Variants in MYH7B observed in about 807,000 individuals in gnomAD.
MYH7B encodes the protein myosin-7B.
Under a neutral mutation model 234.5 loss-of-function variants are expected in MYH7B, and 205 were observed. The observed-to-expected ratio is 0.87, with a 90% CI of 0.78 to 0.98. The LOEUF is 0.98. Ranked by LOEUF, MYH7B falls within the 50% of genes least tolerant of loss-of-function variation. MYH7B has a pLI of 0.00. For missense variants in MYH7B, 2,652 were observed against 2,633.4 expected (o/e 1.01, Z -0.15); for synonymous variants, 1,193 against 1,105.0 (o/e 1.08, Z -1.58).
exon 39 of MYH7B, chr20:35,000,359 T>G: frequency 6.3e-7 from 1 of 1,598,634 alleles, no homozygotes; most frequent in Non-Finnish European, 8.5e-7. Flanking sequence ...GGGCCCGCAA[T>G]GAGGCGCTGC....
intron 1 of MYH7B, among the ~76,000 whole-genome samples, chr20:34,957,484 CTTTTTTTTTT>C (rs71196770): frequency 9.6e-6 from 1 of 104,334 alleles, no homozygotes; most frequent in Non-Finnish European, 1.9e-5. Context: ...CCTTTTGACT[CTTTTTTTTTT>C]TTTTTTTTTT....
At chr20:34,994,433 C>A in intron 27 of MYH7B, 32 bp downstream of exon 27, 1 of 1,537,984 alleles carries the variant, frequency 6.5e-7, no homozygotes, top group Non-Finnish European at 8.7e-7. Flanking sequence ...GACCGGGCGT[C>A]CCCAGCCCCG....
chr20:34,962,843 A>G (rs768110712), intron 2 of MYH7B, among the ~76,000 whole-genome samples: 2 of 152,334 alleles, frequency 1.3e-5, no homozygotes, highest in Non-Finnish European at 2.9e-5. Context: ...CACGCCTGTC[A>G]TCCCAGAACC....
chr20:34,998,943 C>T, intron 35 of MYH7B, 28 bp downstream of exon 35: 1 of 1,602,574 alleles, frequency 6.2e-7, no homozygotes, highest in Non-Finnish European at 8.5e-7. Flanking sequence ...CAGGCCACTG[C>T]CATGCAGAGC....
At chr20:34,982,605 C>A in intron 10 of MYH7B, 50 bp downstream of exon 10, 7 of 1,368,252 alleles carry the variant, frequency 5.1e-6, no homozygotes, top group East Asian at 2.4e-5. Flanking sequence ...CGCTGTTTTT[C>A]TTTTCTTTCT....
At chr20:35,002,412 A>AAAAT (rs1254556454) in exon 45 of MYH7B, 6 of 426,286 alleles carry the variant, frequency 1.4e-5, no homozygotes, top group Non-Finnish European at 2.0e-5. Flanking sequence ...AGTCATTTTT[A>AAAAT]AAATAAAGTT....
intron 5 of MYH7B, among the ~76,000 whole-genome samples, chr20:34,979,143 G>A (rs1041854784): frequency 1.3e-5 from 2 of 152,164 alleles, no homozygotes. Context: ...CAAATATGGC[G>A]GAAGCAGGAA....
At chr20:35,001,968 C>T (rs1381904579) in exon 44 of MYH7B, 1 of 1,613,446 alleles carries the variant, frequency 6.2e-7, no homozygotes, top group Non-Finnish European at 8.5e-7. Context: ...CCAACACCAA[C>T]CTGGCCAAGT....
exon 45 of MYH7B, chr20:35,002,301 C>T: frequency 1.6e-6 from 2 of 1,250,762 alleles, no homozygotes; most frequent in Admixed American, 2.5e-5. Context: ...TCAGCCTTCC[C>T]TGGGCCCTGA....
At chr20:34,986,022 C>T (rs1471210421) in intron 13 of MYH7B, 78 bp from the exon 14 acceptor site, 3 of 1,267,864 alleles carry the variant, frequency 2.4e-6, no homozygotes, top group Admixed American at 2.0e-5. Flanking sequence ...GCCCACCTCT[C>T]TCCCTCCGCA....
At chr20:34,961,623 C>T (rs1296699529) in intron 2 of MYH7B, among the ~76,000 whole-genome samples, 5 of 152,176 alleles carry the variant, frequency 3.3e-5, no homozygotes, top group Admixed American at 2.0e-4. Flanking sequence ...AGAAAGAAAC[C>T]TCATCCCTAT....
intron 2 of MYH7B, among the ~76,000 whole-genome samples, chr20:34,968,096 T>C (rs1452028685): frequency 6.6e-6 from 1 of 152,216 alleles, no homozygotes; most frequent in East Asian, 1.9e-4. Context: ...CTCAACCACA[T>C]TACAAGGTAG....
intron 7 of MYH7B, 141 bp from the exon 8 acceptor site, chr20:34,980,437 T>C (rs1057473656): frequency 1.4e-6 from 1 of 725,744 alleles, no homozygotes. Flanking sequence ...TAGTCCTAGC[T>C]ACCCTGGGAG....
intron 2 of MYH7B, among the ~76,000 whole-genome samples, chr20:34,974,416 C>G (rs2081826485): frequency 1.3e-5 from 2 of 152,118 alleles, no homozygotes; most frequent in Admixed American, 6.6e-5. Context: ...TTGCAAATCA[C>G]TCAGAGCATT....
chr20:34,984,722 A>T lies in MYH7B; in HGVS notation c.648+7A>T. The T allele has an allele frequency of 1.9e-6, 3 of 1,606,094 alleles. No homozygotes were observed. Among genetic ancestry groups the T allele is most frequent in the Non-Finnish European group, 2.5e-6 (3 of 1,177,608 alleles). On this transcript the variant is annotated splice_region_variant and intron_variant, in intron 11 of 44. Transcript: ENST00000262873. ...TCTGGCAACAAAGACGGGGGTGAGT[A>T]TGGGGCCAATGTCAATGGGGCAGCC...
Position 34,980,590 on chromosome 20 carries a change from C to G in MYH7B, c.355C>G (p.Leu119Val), listed in dbSNP as rs560358703. 3.7e-5 allele frequency: 60 copies of G among 1,613,918 alleles called. No individual in the cohort carries two copies. In the South Asian group the frequency reaches 6.3e-4, roughly 17 times the overall value. ...ACTCTCTCTTCAGACCTACTCAGGC[C>G]TCTTCTGTGTCACCATCAACCCCTA... Residue 119 changes from leucine (L) to valine (V), a missense_variant, in exon 8 of 45, where the codon CTC (leucine) becomes GTC (valine). This residue lies in a region of MYH7B where 366 missense variants were observed against 401.2 expected (regional missense o/e 0.91). Coordinates refer to ENST00000262873, the Ensembl canonical transcript of MYH7B.
chr20:34,999,619 T>C (rs2082329326), exon 37 of MYH7B: 1 of 1,613,380 alleles, frequency 6.2e-7, no homozygotes, highest in Non-Finnish European at 8.5e-7. Flanking sequence ...GGGAAGAGCA[T>C]CCAGGAACTG....
chr20:34,969,338 C>T (rs908002513), intron 2 of MYH7B, among the ~76,000 whole-genome samples: 1 of 152,064 alleles, frequency 6.6e-6, no homozygotes, highest in East Asian at 1.9e-4. Context: ...TATACATACA[C>T]GATTTAAAGT....
rs78264583 is a variant in MYH7B at position 34,987,024 on chromosome 20, G to A, written c.1008+35G>A. ...CTGGTGGGAGGGGAGCTGTGTGGACGCCTGTGGTGGAATCGGGCAGCACTG... is the reference window on the plus strand; with the variant it reads ...CTGGTGGGAGGGGAGCTGTGTGGACACCTGTGGTGGAATCGGGCAGCACTG... On this transcript the variant is annotated intron_variant, in intron 15 of 44. Transcript: ENST00000262873. 4,189 of 1,609,272 alleles carry A rather than the reference G, an allele frequency of 2.6e-3. 118 individuals carry two copies. The African/African-American group carries it at 0.049, about 19-fold the overall frequency.
Sources: allele counts gnomAD v4.1 joint callset (sites outside exome capture counted in the v4.1 genomes callset), GRCh38; gene constraint gnomAD v4.1.1; regional missense constraint gnomAD v4.1.1; transcripts MANE v1.5; gene names NCBI Gene and HGNC (gene_info 2026-07-23, HGNC 2026-07-21).